MORF4L2: variants seen among roughly 807,000 people sequenced by gnomAD.
The protein encoded by MORF4L2 is mortality factor 4 like 2.
In MORF4L2, 1 loss-of-function variant was observed where a neutral mutation model predicts 12.0. The ratio of observed to expected loss-of-function variants is 0.08; its 90% CI spans 0.03 to 0.40. MORF4L2 has a LOEUF of 0.40. Among genes scored for constraint, MORF4L2 ranks in the 10% least tolerant of loss-of-function variants. The pLI is 0.98. For missense variants in MORF4L2, 123 were observed against 214.0 expected, an observed-to-expected ratio of 0.57 and a Z score of 2.65; for synonymous variants, 69 against 81.6, an observed-to-expected ratio of 0.85 and a Z score of 0.83.
intron 2 of MORF4L2, among the ~76,000 whole-genome samples, chrX:103,679,830 T>C (rs1465382644): frequency 2.3e-5 from 1 of 43,621 alleles, no homozygotes; most frequent in Non-Finnish European, 4.0e-5. Context: ...AAATCAGAGA[T>C]AAGAAATGTT....
chrX:103,687,770 C>T (rs1443626729), upstream of MORF4L2, among the ~76,000 whole-genome samples: 11 of 111,045 alleles, frequency 9.9e-5, no homozygotes, highest in Non-Finnish European at 1.9e-5. Context: ...TGATTCAGAG[C>T]CAAACCCTTC....
chrX:103,685,888 C>G (rs1383358367), intron 1 of MORF4L2, among the ~76,000 whole-genome samples: 3 of 111,448 alleles, frequency 2.7e-5, no homozygotes, highest in African/African-American at 9.8e-5. Flanking sequence ...TTTCGTATGT[C>G]TCTACAAAAA....
intron 2 of MORF4L2, among the ~76,000 whole-genome samples, chrX:103,679,712 T>C (rs957791929): frequency 2.8e-5 from 3 of 108,523 alleles, no homozygotes; most frequent in Admixed American, 2.0e-4. Context: ...TAGACTAGCC[T>C]TAAACCAGGT....
rs58998250 is a variant in MORF4L2 at position 103,675,743 on chromosome X, TAA to T, written c.*416_*417del. The T allele has an allele frequency of 1.4e-3, 140 of 103,547 alleles. No homozygotes were observed. The highest frequency in any genetic ancestry group is 4.9e-3 in the Middle Eastern group (1 of 204). 8.5% of individuals were successfully genotyped at this position (103,547 alleles called of 1,213,427 possible). ...ATGGGCTGTTTTACTTCAAGCACCATAAAAAAAAAAAAAGAGCACAAATGCAT... is the reference window on the plus strand; with the variant it reads ...ATGGGCTGTTTTACTTCAAGCACCATAAAAAAAAAAAGAGCACAAATGCAT... On this transcript the variant is annotated 3_prime_UTR_variant, in exon 4 of 4. Coordinates refer to ENST00000441076, the MANE Select transcript of MORF4L2 (RefSeq NM_012286.3).
upstream of MORF4L2, among the ~76,000 whole-genome samples, chrX:103,686,989 C>T (rs2074126820): frequency 9.1e-6 from 1 of 110,071 alleles, no homozygotes; most frequent in East Asian, 2.8e-4. Context: ...TTTTAGCCCG[C>T]CCTCCAAAAG....
chrX:103,686,862 C>G (rs1273895914), upstream of MORF4L2: 1 of 111,896 alleles, frequency 8.9e-6, no homozygotes, highest in African/African-American at 3.3e-5. Context: ...CACTTCGCCG[C>G]AGTAAAGGCG....
intron 1 of MORF4L2, among the ~76,000 whole-genome samples, chrX:103,686,124 TCCC>T (rs5903221): frequency 3.1e-4 from 24 of 76,829 alleles, no homozygotes; most frequent in African/African-American, 9.2e-4. Context: ...TTTCTTGCAC[TCCC>T]CCCCCCCCCA....
At chrX:103,682,770 T>C (rs2074014241) in intron 2 of MORF4L2, among the ~76,000 whole-genome samples, 1 of 112,558 alleles carries the variant, frequency 8.9e-6, no homozygotes, top group African/African-American at 3.2e-5. Context: ...ACTATGACTG[T>C]TGTATGTATA....
intron 2 of MORF4L2, among the ~76,000 whole-genome samples, chrX:103,683,622 T>C (rs1171279772): frequency 8.9e-6 from 1 of 112,266 alleles, no homozygotes; most frequent in Non-Finnish European, 1.9e-5. Flanking sequence ...ATAAAATATA[T>C]ATATTTAAAA....
intron 3 of MORF4L2, 98 bp from the exon 4 acceptor site, chrX:103,677,149 T>A: frequency 1.5e-6 from 1 of 663,558 alleles, no homozygotes. Flanking sequence ...CTAACTCCCT[T>A]AAAATCTGGA....
rs2073851723 is a variant in MORF4L2, at chrX:103,676,557, T to C, written c.471A>G (p.Ala157=). 1 of 1,211,103 alleles carries C rather than the reference T, an allele frequency of 8.3e-7. No homozygotes were observed. Among genetic ancestry groups the C allele is most frequent in the East Asian group, 3.0e-5 (1 of 33,822 alleles). The change falls in exon 4 of 4, where the codon GCA becomes GCG. Residue 157 remains alanine, a synonymous_variant. Coordinates refer to ENST00000441076, the MANE Select transcript of MORF4L2 (RefSeq NM_012286.3). ...TGCAATTTGCATACTCCTCCAGAAT[T>C]GCATCTACATTTTTCTTGGCAGGGA... is the stretch of plus-strand genomic sequence containing the variant. ...FQLPAKKNVD[A]ILEEYANCKK...
At chrX:103,677,274 C>A (rs975567153) in intron 3 of MORF4L2, among the ~76,000 whole-genome samples, 62 of 111,427 alleles carry the variant, frequency 5.6e-4, no homozygotes, top group African/African-American at 2.0e-3. Flanking sequence ...ATACTCATCA[C>A]AACTACCCAT....
chrX:103,677,532 C>G (rs1349620225), intron 3 of MORF4L2, among the ~76,000 whole-genome samples: 1 of 111,970 alleles, frequency 8.9e-6, no homozygotes, highest in Non-Finnish European at 1.9e-5. Context: ...CTGAAGAATA[C>G]AGAAATCATG....
chrX:103,686,125 C>G (rs1357945107), intron 1 of MORF4L2, among the ~76,000 whole-genome samples: 1 of 12,784 alleles, frequency 7.8e-5, no homozygotes, highest in African/African-American at 3.0e-4. Context: ...TTCTTGCACT[C>G]CCCCCCCCCC....
At chrX:103,686,922 C>G (rs1323501540), upstream of MORF4L2, 1 of 110,377 alleles carries the variant, frequency 9.1e-6, no homozygotes, top group Non-Finnish European at 1.9e-5. Flanking sequence ...CAAACCAATC[C>G]TCTTCCTCCG....
intron 2 of MORF4L2, among the ~76,000 whole-genome samples, chrX:103,678,914 G>A (rs757620721): frequency 1.8e-5 from 2 of 111,941 alleles, no homozygotes; most frequent in Admixed American, 9.5e-5. Flanking sequence ...AGGTTCCTGT[G>A]AGAATTTCAT....
upstream of MORF4L2, chrX:103,687,246 C>G (rs1179411139): frequency 9.0e-6 from 1 of 110,810 alleles, no homozygotes; most frequent in East Asian, 2.8e-4. Context: ...AGCGCGAGGT[C>G]AAATCTGGGG....
Position 103,678,809 on chromosome X carries a change from G to A in MORF4L2, c.-177-158C>T, listed in dbSNP as rs758292038. ...CAGATCTTTACTTCAATTAGGCTCC[G>A]TCATTTATGAGTTGTGAGACCTCAG... On this transcript the variant is annotated intron_variant, in intron 2 of 3. Coordinates refer to ENST00000441076, the MANE Select transcript of MORF4L2 (RefSeq NM_012286.3). Among the ~76,000 whole-genome samples, 27 of 112,332 alleles carry A rather than the reference G, an allele frequency of 2.4e-4. No homozygotes were observed. The South Asian group carries it at 9.2e-3, about 38-fold the overall frequency.
At chrX:103,679,060 A>G (rs1475589998) in intron 2 of MORF4L2, among the ~76,000 whole-genome samples, 2 of 112,279 alleles carry the variant, frequency 1.8e-5, no homozygotes, top group East Asian at 2.8e-4. Flanking sequence ...CAGGAAAATG[A>G]TAACATAAAT....
Sources: gnomAD v4.1 joint callset for allele counts (sites outside exome capture counted in the v4.1 genomes callset) on GRCh38, gnomAD v4.1.1 for gene constraint, MANE v1.5 for transcripts, NCBI Gene and HGNC (gene_info 2026-07-23, HGNC 2026-07-21) for gene names.